Variants in CYRIB observed in about 807,000 individuals in gnomAD.
The protein encoded by CYRIB is CYFIP-related Rac1 interactor B.
Under a neutral mutation model 44.2 loss-of-function variants are expected in CYRIB, and 8 were observed. That is an observed-to-expected ratio of 0.18 (90% confidence interval 0.11 to 0.33). The LOEUF is 0.33. Ranked by LOEUF, CYRIB falls within the 10% of genes least tolerant of loss-of-function variation. CYRIB has a pLI of 1.00. For missense variants in CYRIB, 185 were observed against 382.8 expected (o/e 0.48, Z 4.31); for synonymous variants, 131 against 127.2 (o/e 1.03, Z -0.20).
At chr8:130,005,743 T>A (rs780125152) in intron 1 of CYRIB, among the ~76,000 whole-genome samples, 1 of 151,112 alleles carries the variant, frequency 6.6e-6, no homozygotes, top group Non-Finnish European at 1.5e-5. Context: ...TTTGAGAGGC[T>A]GAGGCAGGAG....
intron 4 of CYRIB, among the ~76,000 whole-genome samples, 198 bp from the exon 7 acceptor site, chr8:129,862,532 G>A (rs181318348): frequency 5.9e-5 from 9 of 152,106 alleles, no homozygotes; most frequent in East Asian, 3.9e-4. Flanking sequence ...GTGCAGTGGC[G>A]TGATCTCGGC....
intron 2 of CYRIB, among the ~76,000 whole-genome samples, chr8:129,895,704 G>T (rs1279773398): frequency 6.6e-6 from 1 of 151,978 alleles, no homozygotes; most frequent in African/African-American, 2.4e-5. Context: ...ATTTATTTAT[G>T]TATTTATTTA....
chr8:129,937,609 T>C (rs182938080), intron 1 of CYRIB, among the ~76,000 whole-genome samples: 5 of 152,352 alleles, frequency 3.3e-5, no homozygotes, highest in African/African-American at 9.6e-5. Context: ...AAAAATAAAC[T>C]GCATTCACTT....
intron 5 of CYRIB, among the ~76,000 whole-genome samples, chr8:129,861,451 C>CT (rs200360295): frequency 2.6e-5 from 4 of 151,842 alleles, no homozygotes; most frequent in African/African-American, 7.3e-5. Flanking sequence ...TTCTTTCTTT[C>CT]TTTTTTGAGA....
chr8:129,886,069 C>T (rs896520777), intron 2 of CYRIB, among the ~76,000 whole-genome samples: 1 of 152,192 alleles, frequency 6.6e-6, no homozygotes, highest in African/African-American at 2.4e-5. Context: ...TCCTCAAGGA[C>T]TTCATGTGCC....
intron 1 of CYRIB, among the ~76,000 whole-genome samples, chr8:129,907,544 T>C (rs1361782286): frequency 6.6e-6 from 1 of 152,070 alleles, no homozygotes; most frequent in Non-Finnish European, 1.5e-5. Flanking sequence ...TATATGTATG[T>C]AACAAACCTG....
chr8:129,963,076 T>C (rs2095336010), intron 2 of CYRIB, among the ~76,000 whole-genome samples: 1 of 152,198 alleles, frequency 6.6e-6, no homozygotes, highest in Admixed American at 6.5e-5. Flanking sequence ...GACTCAGTTC[T>C]AAGACTTGTT....
rs1434270379 is a variant in CYRIB at position 129,863,283 on chromosome 8, T to G, written c.196-949A>C. ...GGCTCACGCCTGTAATCCCAGCACTTTGGGAGGCTGAGGCAGGCGGATCAC... is the reference window on the plus strand; with the variant it reads ...GGCTCACGCCTGTAATCCCAGCACTGTGGGAGGCTGAGGCAGGCGGATCAC... On this transcript the variant is annotated intron_variant, in intron 4 of 11. Coordinates refer to ENST00000519824, the Ensembl canonical transcript of CYRIB. 2.6e-5 allele frequency among the ~76,000 whole-genome samples: 4 copies of G among 152,256 alleles called. No individual in the cohort carries two copies. In the East Asian group the frequency reaches 7.7e-4, roughly 29 times the overall value.
At position 129,862,403 on chromosome 8, in the gene CYRIB, G is replaced by A. The variant is rs1158976887; in HGVS notation, c.196-69C>T. ...AAAAGGTTCATTTTTACATTAAAATGTAGGCTTTAGCAAACATAGGAAACA... is the reference window on the plus strand; with the variant it reads ...AAAAGGTTCATTTTTACATTAAAATATAGGCTTTAGCAAACATAGGAAACA... On this transcript the variant is annotated intron_variant, in intron 4 of 11. Coordinates refer to ENST00000519824, the Ensembl canonical transcript of CYRIB. 4 of 1,198,720 alleles carry A rather than the reference G, an allele frequency of 3.3e-6. No individual in the cohort carries two copies. The African/African-American group carries it at 6.2e-5, about 19-fold the overall frequency. 74.3% of individuals were successfully genotyped at this position (1,198,720 alleles called of 1,614,324 possible).
rs575727442 is a variant in CYRIB at position 129,917,772 on chromosome 8, G to A, written c.-49-14422C>T. Among the ~76,000 whole-genome samples the A allele has an allele frequency of 2.0e-5, 3 of 152,242 alleles. No homozygotes were observed. The East Asian group carries it at 5.8e-4, about 29-fold the overall frequency. On this transcript the variant is annotated intron_variant, in intron 1 of 11. Transcript: ENST00000519824. Reference sequence around the variant, plus strand: ...CTCAGGAGGCTGAGACAGGAGAATTGCTTGAACCTGGGAAGCAGAGGTTGC... The same window carrying A: ...CTCAGGAGGCTGAGACAGGAGAATTACTTGAACCTGGGAAGCAGAGGTTGC...
intron 1 of CYRIB, among the ~76,000 whole-genome samples, chr8:130,014,037 C>T (rs2097286336): frequency 1.3e-5 from 2 of 152,182 alleles, no homozygotes; most frequent in Admixed American, 1.3e-4. Flanking sequence ...CTGCCCCTTC[C>T]TGACTGAAGG....
chr8:129,903,857 T>C (rs540909131), intron 1 of CYRIB, among the ~76,000 whole-genome samples: 9 of 152,294 alleles, frequency 5.9e-5, no homozygotes, highest in East Asian at 3.9e-4. Context: ...AGGGACACAT[T>C]TGGCAAAATT....
chr8:129,978,652 ATG>A (rs2096067282), intron 1 of CYRIB, among the ~76,000 whole-genome samples: 1 of 152,148 alleles, frequency 6.6e-6, no homozygotes, highest in South Asian at 2.1e-4. Flanking sequence ...CACTCCATCA[ATG>A]TGTGTTATTA....
chr8:129,914,025 T>C (rs1469482807), intron 1 of CYRIB, among the ~76,000 whole-genome samples: 1 of 152,228 alleles, frequency 6.6e-6, no homozygotes, highest in African/African-American at 2.4e-5. Context: ...TGACCAATCA[T>C]ATCACTTCTT....
intron 1 of CYRIB, among the ~76,000 whole-genome samples, chr8:130,002,247 G>A (rs997871539): frequency 5.3e-5 from 8 of 152,122 alleles, no homozygotes; most frequent in East Asian, 3.8e-4. Flanking sequence ...GACTGTTTCC[G>A]CTCAGAAGTT....
chr8:129,927,807 A>C (rs2088802425), intron 1 of CYRIB, among the ~76,000 whole-genome samples: 1 of 152,240 alleles, frequency 6.6e-6, no homozygotes, highest in East Asian at 1.9e-4. Context: ...AGAATGATAG[A>C]TCAATGAAAC....
chr8:129,846,139 C>T (rs1218789259), intron 11 of CYRIB, among the ~76,000 whole-genome samples: 2 of 152,046 alleles, frequency 1.3e-5, no homozygotes, highest in South Asian at 2.1e-4. Flanking sequence ...CTCTAAATAA[C>T]GAAATAATGT....
At chr8:129,937,877 C>T (rs192269410) in intron 1 of CYRIB, among the ~76,000 whole-genome samples, 2 of 151,610 alleles carry the variant, frequency 1.3e-5, no homozygotes, top group Admixed American at 1.3e-4. Context: ...TCTGCAAATA[C>T]ACATTCTCTC....
At chr8:129,868,731 CT>C (rs1441581031) in intron 4 of CYRIB, 51 of 152,054 alleles carry the variant, frequency 3.4e-4, no homozygotes, top group Non-Finnish European at 8.8e-5. Context: ...ATAAACTTTT[CT>C]ACCACTATAC....
Sources: gnomAD v4.1 joint callset for allele counts (sites outside exome capture counted in the v4.1 genomes callset) on GRCh38, gnomAD v4.1.1 for gene constraint, MANE v1.5 for transcripts, NCBI Gene and HGNC (gene_info 2026-07-23, HGNC 2026-07-21) for gene names.